The following FHOD3 variants were observed in gnomAD, a reference collection of about 807,000 sequenced individuals.
FHOD3 encodes the protein FH1/FH2 domain-containing protein 3.
In FHOD3, 90 loss-of-function variants were observed where a neutral mutation model predicts 173.0. The observed-to-expected ratio is 0.52, with a 90% CI of 0.44 to 0.62. The LOEUF (loss-of-function observed/expected upper bound fraction) is 0.62, where lower values mean the gene tolerates loss of function less well. FHOD3 is among the 20% of genes least tolerant of loss of function. The probability of loss-of-function intolerance (pLI) is 0.00; values close to 1 mark genes in which losing one functional copy is unlikely to be tolerated. For missense variants in FHOD3, 1,945 were observed against 2,034.7 expected (o/e 0.96, Z 0.85); for synonymous variants, 828 against 823.0 (o/e 1.01, Z -0.10).
At chr18:36,458,546 C>G (rs1189803605) in intron 3 of FHOD3, among the ~76,000 whole-genome samples, 1 of 152,050 alleles carries the variant, frequency 6.6e-6, no homozygotes, top group Non-Finnish European at 1.5e-5. Flanking sequence ...CTTGCCTCAG[C>G]TGGGGCCTCT....
intron 5 of FHOD3, among the ~76,000 whole-genome samples, chr18:36,571,355 A>G (rs1308888240): frequency 1.3e-5 from 2 of 152,244 alleles, no homozygotes; most frequent in Non-Finnish European, 2.9e-5. Context: ...GTTGAAAACT[A>G]TAGAACACTG....
chr18:36,657,020 A>G (rs2036471914), intron 13 of FHOD3, among the ~76,000 whole-genome samples: 1 of 152,204 alleles, frequency 6.6e-6, no homozygotes, highest in African/African-American at 2.4e-5. Flanking sequence ...TTATCTTCCC[A>G]AAAGTTGACT....
chr18:36,670,521 T>A (rs116156767), intron 14 of FHOD3, among the ~76,000 whole-genome samples: 49 of 152,340 alleles, frequency 3.2e-4, no homozygotes, highest in African/African-American at 1.1e-3. Flanking sequence ...ATCTACTGTT[T>A]CAAGTGGTCT....
chr18:36,386,771 C>T (rs2048054134), intron 3 of FHOD3, among the ~76,000 whole-genome samples: 1 of 152,132 alleles, frequency 6.6e-6, no homozygotes, highest in Non-Finnish European at 1.5e-5. Flanking sequence ...AGGTTCAGTC[C>T]TTTCTGGGGT....
intron 3 of FHOD3, among the ~76,000 whole-genome samples, chr18:36,404,706 G>C (rs1455483260): frequency 2.6e-5 from 4 of 152,152 alleles, no homozygotes; most frequent in Non-Finnish European, 4.4e-5. Context: ...TGGCTATTGG[G>C]GGGCTCAAGG....
intron 19 of FHOD3, among the ~76,000 whole-genome samples, chr18:36,725,362 C>T (rs1159320584): frequency 2.0e-5 from 3 of 152,132 alleles, no homozygotes; most frequent in Non-Finnish European, 4.4e-5. Context: ...ACTTGAGAAC[C>T]AGGCACCTAA....
chr18:36,371,099 C>T (rs2146065276), intron 2 of FHOD3, among the ~76,000 whole-genome samples: 1 of 152,210 alleles, frequency 6.6e-6, no homozygotes, highest in Non-Finnish European at 1.5e-5. Context: ...TAATGGCTTC[C>T]ATATAAAAAA....
intron 5 of FHOD3, among the ~76,000 whole-genome samples, chr18:36,531,925 C>T (rs1181109121): frequency 2.0e-5 from 3 of 152,182 alleles, no homozygotes; most frequent in Admixed American, 2.0e-4. Context: ...AGCCCAGCAC[C>T]TCTGCATTCC....
At chr18:36,544,840 A>G (rs954941998) in intron 5 of FHOD3, among the ~76,000 whole-genome samples, 1 of 152,202 alleles carries the variant, frequency 6.6e-6, no homozygotes, top group Admixed American at 6.5e-5. Context: ...CAATATAAAA[A>G]GCTTTGAACA....
intron 3 of FHOD3, among the ~76,000 whole-genome samples, chr18:36,443,681 G>A (rs2143895022): frequency 6.6e-6 from 1 of 152,264 alleles, no homozygotes; most frequent in Admixed American, 6.5e-5. Flanking sequence ...CATTGATACT[G>A]GGGTGTTGCT....
intron 7 of FHOD3, among the ~76,000 whole-genome samples, 183 bp downstream of exon 7, chr18:36,595,081 G>C (rs1319369292): frequency 6.6e-6 from 1 of 152,148 alleles, no homozygotes; most frequent in Non-Finnish European, 1.5e-5. Context: ...AATGGGGTTT[G>C]ATAATGAAAG....
intron 1 of FHOD3, among the ~76,000 whole-genome samples, chr18:36,317,432 A>G (rs773584088): frequency 1.3e-5 from 2 of 152,260 alleles, no homozygotes; most frequent in Admixed American, 1.3e-4. Context: ...GGCATGAGTT[A>G]TGATTTGCAT....
intron 1 of FHOD3, among the ~76,000 whole-genome samples, chr18:36,342,972 C>A (rs1193663290): frequency 6.6e-6 from 1 of 152,146 alleles, no homozygotes; most frequent in East Asian, 1.9e-4. Context: ...CATAGGATAT[C>A]ATTTCACATT....
At chr18:36,742,107 G>T (rs1435913589) in intron 21 of FHOD3, among the ~76,000 whole-genome samples, 1 of 152,156 alleles carries the variant, frequency 6.6e-6, no homozygotes, top group Non-Finnish European at 1.5e-5. Flanking sequence ...TGGGATATAG[G>T]CTGGGGGAGA....
chr18:36,763,026 T>TTTATATATAATATGCGTATTATACACG (rs1375815069), intron 27 of FHOD3, among the ~76,000 whole-genome samples: 3 of 144,356 alleles, frequency 2.1e-5, no homozygotes, highest in African/African-American at 7.6e-5. Flanking sequence ...TATTATACAC[T>TTTATATATAATATGCGTATTATACACG]TTATATATAA....
chr18:36,363,033 A>G lies in FHOD3; in HGVS notation c.272+7388A>G, dbSNP rs147097229. ...AGACATTCAGATGGTAAATAAGCAT[A>G]TAGAAAGATATCCAACATTACATGT... On this transcript the variant is annotated intron_variant, in intron 2 of 28. Transcript: ENST00000590592. 4.6e-5 allele frequency among the ~76,000 whole-genome samples: 7 copies of G among 152,382 alleles called. No individual in the cohort carries two copies. In the East Asian group the frequency reaches 1.2e-3, roughly 25 times the overall value.
chr18:36,319,884 C>T (rs1258985720), intron 1 of FHOD3, among the ~76,000 whole-genome samples: 1 of 152,158 alleles, frequency 6.6e-6, no homozygotes, highest in African/African-American at 2.4e-5. Context: ...TCCTGAATGA[C>T]AACTGGGTAA....
At chr18:36,490,890 C>T (rs1168528214) in intron 3 of FHOD3, among the ~76,000 whole-genome samples, 1 of 152,178 alleles carries the variant, frequency 6.6e-6, no homozygotes, top group African/African-American at 2.4e-5. Context: ...ATTACTTGTA[C>T]CCTTCCCTTT....
chr18:36,345,722 C>T (rs1606592), intron 1 of FHOD3, among the ~76,000 whole-genome samples: 144,914 of 152,304 alleles, frequency 0.95, 69,026 homozygotes, highest in East Asian at 1. Context: ...AAAAAACATG[C>T]CAAACACAGA....
Sources: allele counts gnomAD v4.1 joint callset (sites outside exome capture counted in the v4.1 genomes callset), GRCh38; gene constraint gnomAD v4.1.1; transcripts MANE v1.5; gene names NCBI Gene and HGNC (gene_info 2026-07-23, HGNC 2026-07-21).